The following REV3L variants were observed in gnomAD, a reference collection of about 807,000 sequenced individuals.
REV3L encodes REV3 like, DNA directed polymerase zeta catalytic subunit, also known as DNA polymerase zeta catalytic subunit.
A neutral mutation model predicts 299.4 loss-of-function variants in REV3L; 69 were observed. That is an observed-to-expected ratio of 0.23 (90% CI 0.19 to 0.28). The LOEUF (loss-of-function observed/expected upper bound fraction) is 0.28. Ranked by LOEUF, REV3L falls within the 10% of genes least tolerant of loss-of-function variation. REV3L has a pLI of 1.00. For missense variants in REV3L, 3,128 were observed against 3,693.8 expected, an observed-to-expected ratio of 0.85 and a Z score of 3.97; for synonymous variants, 1,238 against 1,271.4, an observed-to-expected ratio of 0.97 and a Z score of 0.56.
intron 3 of REV3L, among the ~76,000 whole-genome samples, chr6:111,408,110 G>A (rs999049730): frequency 3.3e-5 from 5 of 152,184 alleles, no homozygotes; most frequent in African/African-American, 4.8e-5. Context: ...GGGAATAGCC[G>A]ACAGATGGAA....
At chr6:111,433,007 G>C (rs935198553) in intron 1 of REV3L, among the ~76,000 whole-genome samples, 3 of 152,082 alleles carry the variant, frequency 2.0e-5, no homozygotes, top group Non-Finnish European at 2.9e-5. Flanking sequence ...CAAAGGAAAT[G>C]AAAACACAAC....
intron 21 of REV3L, 129 bp from the exon 22 acceptor site, chr6:111,335,739 C>A: frequency 2.4e-6 from 2 of 841,704 alleles, no homozygotes; most frequent in Non-Finnish European, 3.5e-6. Flanking sequence ...ATGATATGAG[C>A]CTTTAAGCAA....
intron 3 of REV3L, among the ~76,000 whole-genome samples, chr6:111,407,584 T>C (rs1783779552): frequency 6.6e-6 from 1 of 152,142 alleles, no homozygotes; most frequent in Non-Finnish European, 1.5e-5. Flanking sequence ...AGGTCATTAG[T>C]GAAAGCAATT....
Position 111,482,916 on chromosome 6 carries a change from T to C in REV3L, c.-28A>G. Reference sequence around the variant, plus strand: ...TCGCCGCCGCCGCCACTGCCTCCCTTCACTGGCGACCCGGCAGCGGCAGCA... The same window carrying C: ...TCGCCGCCGCCGCCACTGCCTCCCTCCACTGGCGACCCGGCAGCGGCAGCA... On this transcript the variant is annotated 5_prime_UTR_variant, in exon 1 of 32. Transcript: ENST00000368802. The C allele has an allele frequency of 6.7e-7, 1 of 1,499,718 alleles. No homozygotes were observed. The highest frequency in any genetic ancestry group is 1.3e-5 in the South Asian group (1 of 74,468). The allele number at this position is 1,499,718 out of a possible 1,614,324, so 92.9% of individuals were successfully genotyped here. A position where few individuals can be genotyped will look rare whatever the true frequency, so the allele number is the denominator to read the frequency against.
At chr6:111,382,789 C>G (rs533192730) in intron 9 of REV3L, among the ~76,000 whole-genome samples, 3 of 152,102 alleles carry the variant, frequency 2.0e-5, no homozygotes, top group Non-Finnish European at 2.9e-5. Flanking sequence ...TGTCACCCCC[C>G]CTCCCCCAAC....
At chr6:111,378,597 G>A (rs1780535731) in intron 11 of REV3L, among the ~76,000 whole-genome samples, 1 of 152,208 alleles carries the variant, frequency 6.6e-6, no homozygotes, top group South Asian at 2.1e-4. Context: ...CACAATCTCT[G>A]TTTTTACATA....
chr6:111,410,503 A>ATCTCT (rs1784136451), intron 3 of REV3L, among the ~76,000 whole-genome samples: 2 of 152,256 alleles, frequency 1.3e-5, no homozygotes, highest in African/African-American at 2.4e-5. Context: ...TATGTGTGTG[A>ATCTCT]GAGAATAAGA....
chr6:111,320,092 G>A (rs1438625558), intron 26 of REV3L, among the ~76,000 whole-genome samples: 1 of 147,992 alleles, frequency 6.8e-6, no homozygotes, highest in Admixed American at 6.8e-5. Context: ...TTTTGAGATG[G>A]AGTTTCGCTC....
In REV3L at chr6:111,381,207, T is replaced by C. The variant is rs558424087; in HGVS notation, c.1216+118A>G. The C allele has an allele frequency of 3.1e-5, 31 of 984,812 alleles. No individual in the cohort carries two copies. In the African/African-American group the frequency reaches 4.0e-4, roughly 13 times the overall value. The allele number at this position is 984,812 out of a possible 1,614,324, so 61.0% of individuals were successfully genotyped here. A position where few individuals can be genotyped will look rare whatever the true frequency, so the allele number is the denominator to read the frequency against. On this transcript the variant is annotated intron_variant, in intron 10 of 31. Coordinates refer to ENST00000368802, the MANE Select transcript of REV3L (RefSeq NM_001372078.1). ...GGTTTCATTTTCATATTCAGTAGAG[T>C]GTTTACTGAACATGCAACATTTACC...
At chr6:111,312,611 GC>G (rs1214747574) in intron 28 of REV3L, 1 of 152,218 alleles carries the variant, frequency 6.6e-6, no homozygotes, top group East Asian at 1.9e-4. Flanking sequence ...CAGGCTGAGT[GC>G]AGTGTTGTGA....
chr6:111,392,774 C>T, intron 5 of REV3L, 102 bp downstream of exon 5: 3 of 699,620 alleles, frequency 4.3e-6, no homozygotes, highest in Non-Finnish European at 7.4e-6. Flanking sequence ...TTAAAAAGAT[C>T]CAATACAATA....
At position 111,380,059 on chromosome 6, in the gene REV3L, T is replaced by C. The variant is rs370391293; in HGVS notation, c.1377A>G (p.Glu459=). 12 of 1,613,982 alleles carry C rather than the reference T, an allele frequency of 7.4e-6. No homozygotes were observed. The Admixed American group carries it at 1.8e-4, about 25-fold the overall frequency. The change falls in exon 11 of 32, where the codon GAA becomes GAG. Residue 459 remains glutamate, a synonymous_variant. Coordinates refer to ENST00000368802, the MANE Select transcript of REV3L (RefSeq NM_001372078.1). The part of the protein sequence containing the change: ...SDDEENEPQI[E]KEEMELSLVM... ...CCAAACTAAGCTCCATTTCCTCTTT[T>C]TCAATCTGTGGTTCATTTTCTTCAT...
chr6:111,339,706 TTGAA>T (rs1367908879), intron 21 of REV3L, among the ~76,000 whole-genome samples: 4 of 152,148 alleles, frequency 2.6e-5, no homozygotes, highest in African/African-American at 4.8e-5. Context: ...AAAAAATACT[TTGAA>T]TGGCTAATTT....
chr6:111,470,922 C>T (rs1021819681), intron 1 of REV3L, among the ~76,000 whole-genome samples: 2 of 151,842 alleles, frequency 1.3e-5, no homozygotes, highest in Non-Finnish European at 2.9e-5. Flanking sequence ...GGAGGTTGCA[C>T]GGAGCCAAGA....
At chr6:111,341,372 A>G (rs548263916) in intron 21 of REV3L, among the ~76,000 whole-genome samples, 2 of 152,160 alleles carry the variant, frequency 1.3e-5, no homozygotes, top group Admixed American at 6.5e-5. Flanking sequence ...TTCTATTTCT[A>G]TAAGGCTTTG....
In REV3L at chr6:111,313,410, AC is replaced by A; in HGVS notation, c.8545del (p.Val2849TyrfsTer7). On this transcript the variant is annotated frameshift_variant, in exon 28 of 32. Transcript: ENST00000368802. LOFTEE classifies it high-confidence loss of function. The part of the protein sequence containing the change: ...MYETLDQKDP[V>X]FDAKGIETVR... ...TGTTTCTATTCCTTTTGCATCAAAT[AC>A]TGGGTCCTTCTGATCCAGTGTTTCA... 1 of 1,613,656 alleles carries A rather than the reference AC, an allele frequency of 6.2e-7. No individual in the cohort carries two copies. Among genetic ancestry groups the A allele is most frequent in the Non-Finnish European group, 8.5e-7 (1 of 1,179,860 alleles).
At chr6:111,478,936 T>C (rs545050357) in intron 1 of REV3L, among the ~76,000 whole-genome samples, 1 of 152,240 alleles carries the variant, frequency 6.6e-6, no homozygotes, top group Non-Finnish European at 1.5e-5. Context: ...TCCCACACTC[T>C]TCTATTTACT....
chr6:111,415,776 C>A lies in REV3L; in HGVS notation c.329+507G>T, dbSNP rs549254708. Among the ~76,000 whole-genome samples the A allele has an allele frequency of 3.3e-4, 50 of 152,140 alleles. 1 individual carries two copies. Among genetic ancestry groups the A allele is most frequent in the African/African-American group, 1.2e-3 (48 of 41,526 alleles). On this transcript the variant is annotated intron_variant, in intron 2 of 31. Transcript: ENST00000368802. The stretch of plus-strand genomic sequence containing the variant: ...TTCCCTGATTACTCTAAAATTGTCA[C>A]TAGTCTACTTCCTTACCCCACACTA...
intron 1 of REV3L, among the ~76,000 whole-genome samples, chr6:111,436,267 C>A (rs1395428743): frequency 6.6e-6 from 1 of 152,084 alleles, no homozygotes; most frequent in East Asian, 1.9e-4. Context: ...TCCAACAATT[C>A]CACTTTTGAA....
Sources: allele counts gnomAD v4.1 joint callset (sites outside exome capture counted in the v4.1 genomes callset), GRCh38; gene constraint gnomAD v4.1.1; transcripts MANE v1.5; gene names NCBI Gene and HGNC (gene_info 2026-07-23, HGNC 2026-07-21).